The following SGCZ variants were observed in gnomAD, a reference collection of about 807,000 sequenced individuals.
SGCZ encodes sarcoglycan zeta.
A neutral mutation model predicts 41.3 loss-of-function variants in SGCZ; 40 were observed. That is an observed-to-expected ratio of 0.97 (90% CI 0.75 to 1.26). The LOEUF is 1.26. Ranked by LOEUF, SGCZ falls within the 50% of genes most tolerant of loss-of-function variation. The pLI, the probability that SGCZ is intolerant of heterozygous loss-of-function variation, is 0.00. For missense variants in SGCZ, 552 were observed against 369.8 expected (o/e 1.49, Z -4.04); for synonymous variants, 206 against 137.5 (o/e 1.50, Z -3.49).
intron 1 of SGCZ, among the ~76,000 whole-genome samples, chr8:14,858,193 T>C (rs1249573940): frequency 6.6e-6 from 1 of 151,972 alleles, no homozygotes; most frequent in East Asian, 1.9e-4. Flanking sequence ...ATTGTGTATA[T>C]ATGTATACAC....
intron 2 of SGCZ, among the ~76,000 whole-genome samples, chr8:14,417,266 G>C (rs1028890184): frequency 1.3e-5 from 2 of 151,898 alleles, no homozygotes; most frequent in Non-Finnish European, 2.9e-5. Context: ...CCAAAATGGA[G>C]CACACAGTCA....
chr8:15,117,447 C>A (rs889779015), intron 1 of SGCZ, among the ~76,000 whole-genome samples: 1 of 152,000 alleles, frequency 6.6e-6, no homozygotes, highest in African/African-American at 2.4e-5. Context: ...CAACAAAATG[C>A]TATTAATTTA....
chr8:14,715,963 G>C (rs1364302497), intron 1 of SGCZ, among the ~76,000 whole-genome samples: 4 of 151,954 alleles, frequency 2.6e-5, no homozygotes, highest in Non-Finnish European at 5.9e-5. Context: ...TCACTAGAAA[G>C]AAAAACAATT....
At chr8:14,599,839 C>G (rs1423830262) in intron 1 of SGCZ, among the ~76,000 whole-genome samples, 1 of 152,128 alleles carries the variant, frequency 6.6e-6, no homozygotes, top group African/African-American at 2.4e-5. Flanking sequence ...ATATATTTTT[C>G]CATCATACAA....
intron 2 of SGCZ, among the ~76,000 whole-genome samples, chr8:14,351,695 TA>T (rs921392834): frequency 2.2e-4 from 34 of 152,058 alleles, no homozygotes; most frequent in Admixed American, 1.4e-3. Flanking sequence ...TACTTTTACA[TA>T]AAAAAAGAAT....
chr8:14,480,407 C>G (rs907203844), intron 2 of SGCZ, among the ~76,000 whole-genome samples: 2 of 152,036 alleles, frequency 1.3e-5, no homozygotes, highest in African/African-American at 4.8e-5. Flanking sequence ...CCTTCTTTGC[C>G]AAATCCACCT....
At chr8:15,190,200 A>AT (rs1353994655) in intron 1 of SGCZ, among the ~76,000 whole-genome samples, 1 of 152,144 alleles carries the variant, frequency 6.6e-6, no homozygotes, top group East Asian at 1.9e-4. Context: ...GGCTCATTTA[A>AT]TTTTATATCC....
chr8:15,052,816 T>C (rs1804562151), intron 1 of SGCZ, among the ~76,000 whole-genome samples: 1 of 152,176 alleles, frequency 6.6e-6, no homozygotes, highest in South Asian at 2.1e-4. Flanking sequence ...TTCCAAGATA[T>C]TTGATTTCAG....
intron 2 of SGCZ, among the ~76,000 whole-genome samples, chr8:14,539,451 G>A (rs149406009): frequency 1.8e-3 from 274 of 152,002 alleles, no homozygotes; most frequent in African/African-American, 6.4e-3. Context: ...GTTTTATTCT[G>A]GGCAACTTCC....
chr8:14,797,961 G>C (rs1025765219), intron 1 of SGCZ, among the ~76,000 whole-genome samples: 1 of 152,196 alleles, frequency 6.6e-6, no homozygotes, highest in Admixed American at 6.5e-5. Flanking sequence ...CCTCTACCTG[G>C]ATTTCAGAGG....
At chr8:14,986,632 C>T (rs955201454) in intron 1 of SGCZ, among the ~76,000 whole-genome samples, 1 of 151,888 alleles carries the variant, frequency 6.6e-6, no homozygotes, top group African/African-American at 2.4e-5. Context: ...CTAAGTGTTA[C>T]AATATTCAAT....
At chr8:14,919,413 C>A (rs1799526665) in intron 1 of SGCZ, among the ~76,000 whole-genome samples, 1 of 152,152 alleles carries the variant, frequency 6.6e-6, no homozygotes, top group South Asian at 2.1e-4. Context: ...TGCACTCTAG[C>A]CTGAATGAAA....
Position 15,066,448 on chromosome 8 carries a change from A to C in SGCZ, c.39+171137T>G, listed in dbSNP as rs1805152740. ...TCCAATAGTCTAATTCTAATGTTTT[A>C]TTTTTAAATCTGTAAAGATAATGCA... On this transcript the variant is annotated intron_variant, in intron 1 of 7. Coordinates refer to ENST00000382080, the MANE Select transcript of SGCZ (RefSeq NM_139167.4). Among the ~76,000 whole-genome samples the C allele has an allele frequency of 4.6e-5, 7 of 151,324 alleles. No individual in the cohort carries two copies. In the South Asian group the frequency reaches 1.5e-3, roughly 32 times the overall value.
At chr8:14,306,823 G>A (rs1189563426) in intron 3 of SGCZ, among the ~76,000 whole-genome samples, 1 of 152,112 alleles carries the variant, frequency 6.6e-6, no homozygotes, top group East Asian at 1.9e-4. Context: ...TAAAAAGAAT[G>A]GATGCAAAAG....
intron 1 of SGCZ, among the ~76,000 whole-genome samples, chr8:14,573,956 C>T (rs749285505): frequency 1.1e-4 from 16 of 152,086 alleles, no homozygotes; most frequent in Admixed American, 4.6e-4. Flanking sequence ...GAAATTTGCA[C>T]AGAGGATACA....
intron 2 of SGCZ, among the ~76,000 whole-genome samples, chr8:14,421,861 A>T (rs1175486086): frequency 6.6e-6 from 1 of 152,180 alleles, no homozygotes; most frequent in Non-Finnish European, 1.5e-5. Context: ...GAGGAAAAAA[A>T]TACTTTGAAT....
chr8:14,312,732 A>C (rs1801589877), intron 3 of SGCZ, among the ~76,000 whole-genome samples: 1 of 152,120 alleles, frequency 6.6e-6, no homozygotes. Flanking sequence ...GAAGGGAAAT[A>C]ACACTGATAC....
intron 2 of SGCZ, among the ~76,000 whole-genome samples, chr8:14,503,889 C>G (rs556366854): frequency 6.6e-6 from 1 of 151,988 alleles, no homozygotes; most frequent in Non-Finnish European, 1.5e-5. Context: ...TCATTTAAAA[C>G]CTTTGAAGTT....
At chr8:14,665,606 T>C (rs1807885648) in intron 1 of SGCZ, among the ~76,000 whole-genome samples, 1 of 152,204 alleles carries the variant, frequency 6.6e-6, no homozygotes, top group Non-Finnish European at 1.5e-5. Context: ...CAATAGACAT[T>C]AGATATTTGC....
Sources: gnomAD v4.1 joint callset for allele counts (sites outside exome capture counted in the v4.1 genomes callset) on GRCh38, gnomAD v4.1.1 for gene constraint, MANE v1.5 for transcripts, NCBI Gene and HGNC (gene_info 2026-07-23, HGNC 2026-07-21) for gene names.